DNAI1: variants seen among roughly 807,000 people sequenced by gnomAD.
DNAI1 encodes dynein, axonemal, intermediate polypeptide 1.
A neutral mutation model predicts 92.0 loss-of-function variants in DNAI1; 67 were observed. The observed-to-expected ratio is 0.73, with a 90% CI of 0.60 to 0.89. DNAI1 has a LOEUF of 0.89. Among genes scored for constraint, DNAI1 ranks in the 40% least tolerant of loss-of-function variants. The pLI, the probability that DNAI1 is intolerant of heterozygous loss-of-function variation, is 0.00. For synonymous variants in DNAI1, 323 were observed against 319.6 expected (o/e 1.01, Z -0.11); for missense variants, 839 against 866.6 (o/e 0.97, Z 0.40).
At chr9:34,498,883 T>C (rs902087222) in intron 10 of DNAI1, among the ~76,000 whole-genome samples, 1 of 152,196 alleles carries the variant, frequency 6.6e-6, no homozygotes, top group African/African-American at 2.4e-5. Context: ...TTTTCAAAGC[T>C]GTCAAAGTAC....
chr9:34,481,227 A>T (rs1824347374), intron 1 of DNAI1, among the ~76,000 whole-genome samples: 1 of 152,276 alleles, frequency 6.6e-6, no homozygotes. Flanking sequence ...TGGGCGAAAG[A>T]GTGAAACTCT....
chr9:34,517,604 A>G, intron 19 of DNAI1, 137 bp downstream of exon 19: 1 of 1,007,566 alleles, frequency 9.9e-7, no homozygotes, highest in Admixed American at 2.0e-5. Context: ...CATTGCCTGA[A>G]TGAGGCTCAC....
chr9:34,511,299 CAT>C (rs1176347540), intron 13 of DNAI1, among the ~76,000 whole-genome samples: 1 of 152,220 alleles, frequency 6.6e-6, no homozygotes, highest in Non-Finnish European at 1.5e-5. Context: ...AACACTTTCC[CAT>C]ATGTTTGCTT....
At position 34,498,468 on chromosome 9, in the gene DNAI1, C is replaced by T. The variant is rs147992432; in HGVS notation, c.901+1269C>T. The stretch of plus-strand genomic sequence containing the variant: ...CCGCTAGGCTGCAAAGCCACTGAGC[C>T]GGAAGAGACATTTCAAATAAACACA... On this transcript the variant is annotated intron_variant, in intron 10 of 19. Coordinates refer to ENST00000242317, the MANE Select transcript of DNAI1 (RefSeq NM_012144.4). 4.3e-4 allele frequency among the ~76,000 whole-genome samples: 65 copies of T among 152,284 alleles called. 1 individual carries two copies. In the South Asian group the frequency reaches 6.8e-3, roughly 16 times the overall value.
At chr9:34,485,315 A>C in intron 3 of DNAI1, 75 bp downstream of exon 3, 1 of 1,602,826 alleles carries the variant, frequency 6.2e-7, no homozygotes, top group Non-Finnish European at 8.5e-7. Flanking sequence ...ATAGTACATG[A>C]TTAGGAGCTT....
intron 8 of DNAI1, among the ~76,000 whole-genome samples, chr9:34,492,410 T>A (rs1824619560): frequency 6.8e-6 from 1 of 147,976 alleles, no homozygotes; most frequent in Non-Finnish European, 1.5e-5. Flanking sequence ...CTCCTTTTAA[T>A]GCTGAGATGT....
At chr9:34,475,612 T>A (rs1232568047) in intron 1 of DNAI1, among the ~76,000 whole-genome samples, 1 of 152,228 alleles carries the variant, frequency 6.6e-6, no homozygotes, top group African/African-American at 2.4e-5. Context: ...ATGTGTGTTG[T>A]TGACTCATTT....
chr9:34,486,808 C>T (rs1824482767), intron 4 of DNAI1, among the ~76,000 whole-genome samples: 2 of 152,166 alleles, frequency 1.3e-5, no homozygotes, highest in African/African-American at 2.4e-5. Context: ...CCTCAGCAAC[C>T]ACTGAACTAT....
chr9:34,495,366 A>G (rs932477367), intron 9 of DNAI1, among the ~76,000 whole-genome samples: 1 of 152,144 alleles, frequency 6.6e-6, no homozygotes, highest in African/African-American at 2.4e-5. Flanking sequence ...GTCTGAGAGC[A>G]TGGACCCTGG....
chr9:34,485,087 A>G, intron 2 of DNAI1, 55 bp from the exon 3 acceptor site: 4 of 1,568,388 alleles, frequency 2.6e-6, no homozygotes, highest in Non-Finnish European at 2.6e-6. Flanking sequence ...GGCTTTCTGT[A>G]TGCTTGTCCA....
chr9:34,498,441 C>T (rs1587077803), intron 10 of DNAI1, among the ~76,000 whole-genome samples: 1 of 152,220 alleles, frequency 6.6e-6, no homozygotes, highest in Non-Finnish European at 1.5e-5. Context: ...CTAAGCACTT[C>T]GCCGCTAGGC....
intron 15 of DNAI1, 118 bp from the exon 16 acceptor site, chr9:34,512,994 T>C (rs2132082372): frequency 1.2e-6 from 1 of 857,014 alleles, no homozygotes. Context: ...GTTCAGTCTG[T>C]CCTGCGCTGA....
At chr9:34,460,046 C>A (rs1431731309) in intron 1 of DNAI1, among the ~76,000 whole-genome samples, 1 of 152,208 alleles carries the variant, frequency 6.6e-6, no homozygotes, top group African/African-American at 2.4e-5. Context: ...CTCTTCCCTG[C>A]GAGCCCCTGG....
chr9:34,466,734 T>C (rs1336613483), intron 1 of DNAI1, among the ~76,000 whole-genome samples: 1 of 152,242 alleles, frequency 6.6e-6, no homozygotes, highest in Non-Finnish European at 1.5e-5. Flanking sequence ...AGGGACCAAC[T>C]ACTTTCTCCA....
chr9:34,491,026 A>C (rs1396596515), intron 7 of DNAI1, among the ~76,000 whole-genome samples: 1 of 152,242 alleles, frequency 6.6e-6, no homozygotes, highest in East Asian at 1.9e-4. Flanking sequence ...ACAGTGCCTC[A>C]TCACCCTGTG....
Position 34,489,399 on chromosome 9 carries a change from A to G in DNAI1, c.338A>G (p.Lys113Arg), listed in dbSNP as rs367903999. The G allele has an allele frequency of 2.7e-5, 43 of 1,614,120 alleles. 1 individual carries two copies. The South Asian group carries it at 4.6e-4, about 17-fold the overall frequency. Residue 113 changes from lysine (K) to arginine (R), a missense_variant, in exon 5 of 20, where the codon AAA (lysine) becomes AGA (arginine). Coordinates refer to ENST00000242317, the MANE Select transcript of DNAI1 (RefSeq NM_012144.4). ...HYTQVGNLIP[K>R]DSDEGRRQHY... The stretch of plus-strand genomic sequence containing the variant: ...ACCCAGGTTGGGAACCTGATCCCCA[A>G]AGACTCAGATGAAGGACGGCGGCAG...
chr9:34,466,086 C>T (rs1336943506), intron 1 of DNAI1, among the ~76,000 whole-genome samples: 2 of 152,132 alleles, frequency 1.3e-5, no homozygotes, highest in African/African-American at 4.8e-5. Flanking sequence ...ATAGTAGATG[C>T]TTAATAAATG....
At chr9:34,495,167 AG>A (rs1301197388) in intron 9 of DNAI1, among the ~76,000 whole-genome samples, 1 of 152,228 alleles carries the variant, frequency 6.6e-6, no homozygotes, top group Non-Finnish European at 1.5e-5. Flanking sequence ...GTAGGAAAGG[AG>A]GAAAGGGCTC....
intron 1 of DNAI1, among the ~76,000 whole-genome samples, chr9:34,464,700 G>C (rs1824006000): frequency 6.6e-6 from 1 of 152,214 alleles, no homozygotes; most frequent in Non-Finnish European, 1.5e-5. Flanking sequence ...AGCAGGGCCT[G>C]TGGATGTTTT....
Sources: allele counts gnomAD v4.1 joint callset (sites outside exome capture counted in the v4.1 genomes callset), GRCh38; gene constraint gnomAD v4.1.1; transcripts MANE v1.5; gene names NCBI Gene and HGNC (gene_info 2026-07-23, HGNC 2026-07-21).